The following KIF3B variants were observed in gnomAD, a reference collection of about 807,000 sequenced individuals.
KIF3B encodes the protein kinesin family member 3B, also known as kinesin-like protein KIF3B.
In KIF3B, 38 loss-of-function variants were observed where a neutral mutation model predicts 74.3. That is an observed-to-expected ratio of 0.51 (90% confidence interval 0.39 to 0.67). The LOEUF is 0.67. Among genes scored for constraint, KIF3B ranks in the 30% least tolerant of loss-of-function variants. KIF3B has a pLI of 0.00. For missense variants in KIF3B, 649 were observed against 932.0 expected, an observed-to-expected ratio of 0.70 and a Z score of 3.95; for synonymous variants, 326 against 342.5, an observed-to-expected ratio of 0.95 and a Z score of 0.53.
chr20:32,323,025 T>TATATAC (rs2047879518), intron 5 of KIF3B, among the ~76,000 whole-genome samples: 1 of 20,058 alleles, frequency 5.0e-5, no homozygotes, highest in Non-Finnish European at 8.0e-5. Context: ...TTTATATTTA[T>TATATAC]ATATTTATAT....
Position 32,326,897 on chromosome 20 carries a change from TAAC to T in KIF3B, c.1862+14_1862+16del, listed in dbSNP as rs760645439. On this transcript the variant is annotated intron_variant, in intron 6 of 8. Coordinates refer to ENST00000375712, the MANE Select transcript of KIF3B (RefSeq NM_004798.4). ...TAACCAGACTGGAGTAAGTCACTAT[TAAC>T]TTCAAGTATATTTTCAAGTATGAGG... The T allele has an allele frequency of 2.1e-5, 25 of 1,216,934 alleles. No homozygotes were observed. The highest frequency in any genetic ancestry group is 4.6e-5 in the African/African-American group (3 of 65,328). 75.4% of individuals were successfully genotyped at this position (1,216,934 alleles called of 1,614,324 possible).
rs1569207657 is a variant in KIF3B at position 32,322,728 on chromosome 20, TTATTTATATATATTTATTTATATATA to T, written c.1749-4025_1749-4000del. On this transcript the variant is annotated intron_variant, in intron 5 of 8. Transcript: ENST00000375712. ...TATATTTATATATATTTATATTTAT[TTATTTATATATATTTATTTATATATA>T]TATTTATATATATTTATATATATAT... Among the ~76,000 whole-genome samples, 10 of 42,654 alleles carry T rather than the reference TTATTTATATATATTTATTTATATATA, an allele frequency of 2.3e-4. 1 individual carries two copies. Among genetic ancestry groups the T allele is most frequent in the African/African-American group, 4.1e-4 (4 of 9,786 alleles). The allele number at this position is 42,654 out of a possible 152,430, so 28.0% of individuals were successfully genotyped here.
At chr20:32,308,784 G>A (rs1026091858) in intron 1 of KIF3B, among the ~76,000 whole-genome samples, 2 of 147,302 alleles carry the variant, frequency 1.4e-5, no homozygotes, top group Non-Finnish European at 3.0e-5. Context: ...GGAGCGCAGT[G>A]CCAGGATCTC....
Position 32,310,652 on chromosome 20 carries a change from A to G in KIF3B, c.875A>G (p.Tyr292Cys), listed in dbSNP as rs1285799665. The G allele has an allele frequency of 6.2e-7, 1 of 1,614,126 alleles. No homozygotes were observed. The highest frequency in any genetic ancestry group is 1.1e-5 in the South Asian group (1 of 91,074). The change falls in exon 2 of 9, where the codon TAT (tyrosine) becomes TGT (cysteine). Residue 292 changes from tyrosine to cysteine, a missense_variant. Coordinates refer to ENST00000375712, the MANE Select transcript of KIF3B (RefSeq NM_004798.4). This position sits in a 1 kb window ranked among gnomAD's most constrained non-coding sequence, Gnocchi z 6.5. ...GACGGCAAAAGCACTCACATTCCAT[A>G]TCGGGACTCAAAGCTTACCAGGCTC... is the stretch of plus-strand genomic sequence containing the variant. ...LVDGKSTHIP[Y>C]RDSKLTRLLQ...
At position 32,309,863 on chromosome 20, in the gene KIF3B, A is replaced by C; in HGVS notation, c.86A>C (p.Asp29Ala). The change falls in exon 2 of 9, where the codon GAC becomes GCC. Residue 29 changes from aspartate (D) to alanine (A), a missense_variant. Physicochemically the swap from Asp to Ala is moderately radical, Grantham distance 126. Around this residue, in one of 4 missense-constraint regions of KIF3B, gnomAD observed 96 missense variants for 119.0 expected, o/e 0.81. Transcript: ENST00000375712. ...GGCAAGGAAAAGGCTGCTTCGTATG[A>C]CAAAGTGGTGGATGTGGATGTTAAG... ...MNGKEKAASY[D>A]KVVDVDVKLG... 2.0e-5 allele frequency: 32 copies of C among 1,614,148 alleles called. No individual in the cohort carries two copies. Among genetic ancestry groups the C allele is most frequent in the Non-Finnish European group, 2.7e-5 (32 of 1,180,038 alleles).
chr20:32,277,688 A>G lies in KIF3B; in HGVS notation c.-143A>G. ...CATCCGGGGCAGCGGGGAATGGCTG[A>G]GCCAGGGGTTCGCCGCCCCCGCCGC... On this transcript the variant is annotated 5_prime_UTR_variant, in exon 1 of 9. Coordinates refer to ENST00000375712, the MANE Select transcript of KIF3B (RefSeq NM_004798.4). 1 of 255,476 alleles carries G rather than the reference A, an allele frequency of 3.9e-6. No homozygotes were observed. The allele number at this position is 255,476 out of a possible 1,614,324, so 15.8% of individuals were successfully genotyped here.
chr20:32,309,743 A>C lies in KIF3B; in HGVS notation c.-35A>C. The stretch of plus-strand genomic sequence containing the variant: ...TAGCATCCTGAGACATTTTGAATTG[A>C]CACTTCTCAAGATTTGACTGGATCA... On this transcript the variant is annotated 5_prime_UTR_variant, in exon 2 of 9. Coordinates refer to ENST00000375712, the MANE Select transcript of KIF3B (RefSeq NM_004798.4). 1 of 1,584,168 alleles carries C rather than the reference A, an allele frequency of 6.3e-7. No homozygotes were observed. Among genetic ancestry groups the C allele is most frequent in the Non-Finnish European group, 8.6e-7 (1 of 1,164,484 alleles).
At chr20:32,284,236 G>A (rs1356454671) in intron 1 of KIF3B, among the ~76,000 whole-genome samples, 1 of 152,106 alleles carries the variant, frequency 6.6e-6, no homozygotes, top group Non-Finnish European at 1.5e-5. Flanking sequence ...ACAGCACCTG[G>A]CCACCACTGC....
intron 1 of KIF3B, among the ~76,000 whole-genome samples, chr20:32,294,762 A>G (rs2047708671): frequency 6.6e-6 from 1 of 152,232 alleles, no homozygotes; most frequent in South Asian, 2.1e-4. Context: ...ACCTCAGCTC[A>G]TGCTTTTAAC....
At chr20:32,322,742 TTATTTATA>T (rs2047870918) in intron 5 of KIF3B, among the ~76,000 whole-genome samples, 1 of 46,704 alleles carries the variant, frequency 2.1e-5, no homozygotes. Context: ...TTATATATAT[TTATTTATA>T]TATATATTTA....
Position 32,310,720 on chromosome 20 carries a change from G to A in KIF3B, c.943G>A (p.Ala315Thr). The change falls in exon 2 of 9, where the codon GCC becomes ACC. Residue 315 changes from alanine (A) to threonine (T), a missense_variant. Ala to Thr is a moderately conservative substitution (Grantham distance 58, BLOSUM62 0). Transcript: ENST00000375712. This position sits in a 1 kb window ranked among gnomAD's most constrained non-coding sequence, Gnocchi z 6.5. ...TGGCAATGCCAAGACTGTGATGGTG[G>A]CCAACGTGGGGCCTGCCTCTTACAA... ...LGGNAKTVMV[A>T]NVGPASYNVE... 6.2e-7 allele frequency: 1 copy of A among 1,614,122 alleles called. No individual in the cohort carries two copies. The highest frequency in any genetic ancestry group is 8.5e-7 in the Non-Finnish European group (1 of 1,180,024).
At chr20:32,323,561 C>T (rs2047887592) in intron 5 of KIF3B, among the ~76,000 whole-genome samples, 1 of 151,804 alleles carries the variant, frequency 6.6e-6, no homozygotes. Context: ...AGCCACCACG[C>T]CCAGCCAATT....
At chr20:32,278,722 G>A (rs1192334094) in intron 1 of KIF3B, among the ~76,000 whole-genome samples, 3 of 152,074 alleles carry the variant, frequency 2.0e-5, no homozygotes, top group Non-Finnish European at 4.4e-5. Flanking sequence ...GAAGAAAAAA[G>A]GCATCTTTGT....
intron 7 of KIF3B, among the ~76,000 whole-genome samples, chr20:32,329,185 G>A (rs927819824): frequency 1.3e-5 from 2 of 152,182 alleles, no homozygotes; most frequent in South Asian, 4.1e-4. Context: ...TGGGATTACA[G>A]GCATGTGCCA....
intron 1 of KIF3B, among the ~76,000 whole-genome samples, chr20:32,289,347 C>T (rs928235340): frequency 2.0e-5 from 3 of 152,126 alleles, no homozygotes; most frequent in Admixed American, 2.0e-4. Flanking sequence ...GTGCCTGCCA[C>T]CATGCCCGGC....
chr20:32,284,797 CAATG>C (rs1395230949), intron 1 of KIF3B, among the ~76,000 whole-genome samples: 1 of 152,166 alleles, frequency 6.6e-6, no homozygotes, highest in Non-Finnish European at 1.5e-5. Flanking sequence ...ATGATAATGA[CAATG>C]AAGGTAATAG....
chr20:32,298,980 C>G (rs2047729132), intron 1 of KIF3B, among the ~76,000 whole-genome samples: 1 of 152,094 alleles, frequency 6.6e-6, no homozygotes, highest in Non-Finnish European at 1.5e-5. Flanking sequence ...CTTTTTAGTA[C>G]TTATACATAC....
At chr20:32,323,169 TATTTATATATTTA>T in intron 5 of KIF3B, among the ~76,000 whole-genome samples, 1 of 97,984 alleles carries the variant, frequency 1.0e-5, no homozygotes, top group Admixed American at 1.4e-4. Context: ...TATATATTTA[TATTTATATATTTA>T]TATATATTTA....
intron 1 of KIF3B, among the ~76,000 whole-genome samples, chr20:32,283,042 T>G (rs543908380): frequency 6.6e-5 from 10 of 152,240 alleles, no homozygotes; most frequent in African/African-American, 2.2e-4. Flanking sequence ...TTTAATAAAT[T>G]TATTCATTTT....
Sources: gnomAD v4.1 joint callset for allele counts (sites outside exome capture counted in the v4.1 genomes callset) on GRCh38, gnomAD v4.1.1 for gene constraint, gnomAD v4.1.1 regional missense constraint, Gnocchi (gnomAD v3.1) non-coding constraint, MANE v1.5 for transcripts, NCBI Gene and HGNC (gene_info 2026-07-23, HGNC 2026-07-21) for gene names.